Variants in NSG2 observed in about 807,000 individuals in gnomAD.
NSG2 encodes neuronal vesicle trafficking associated 2.
In NSG2, 4 loss-of-function variants were observed where a neutral mutation model predicts 16.9. The observed-to-expected ratio is 0.24, with a 90% CI of 0.12 to 0.54. NSG2 has a LOEUF of 0.54. Among genes scored for constraint, NSG2 ranks in the 20% least tolerant of loss-of-function variants. The pLI is 0.95. For missense variants in NSG2, 179 were observed against 221.1 expected, an observed-to-expected ratio of 0.81 and a Z score of 1.21; for synonymous variants, 98 against 88.7, an observed-to-expected ratio of 1.11 and a Z score of -0.59.
intron 4 of NSG2, among the ~76,000 whole-genome samples, chr5:174,106,801 G>T (rs1311157402): frequency 6.6e-6 from 1 of 151,902 alleles, no homozygotes; most frequent in Non-Finnish European, 1.5e-5. Context: ...CACTCTGTTG[G>T]TCAGGCTGGT....
At position 174,106,305 on chromosome 5, in the gene NSG2, G is replaced by A. The variant is rs964794817; in HGVS notation, c.325-1009G>A. Among the ~76,000 whole-genome samples the A allele has an allele frequency of 8.5e-5, 13 of 152,242 alleles. No homozygotes were observed. In the East Asian group the frequency reaches 9.6e-4, roughly 11 times the overall value. On this transcript the variant is annotated intron_variant, in intron 4 of 4. Coordinates refer to ENST00000303177, the MANE Select transcript of NSG2 (RefSeq NM_015980.5). ...ATACATGAGAAAAAACAAGAGGTTC[G>A]TTGTTTAAAGAACCTAGCTCTATAT...
chr5:174,102,438 A>C (rs929142294), intron 3 of NSG2, among the ~76,000 whole-genome samples: 13 of 152,208 alleles, frequency 8.5e-5, no homozygotes, highest in Non-Finnish European at 1.8e-4. Context: ...TTTCTAGGCC[A>C]ACTGACTGAA....
Position 174,046,355 on chromosome 5 carries a change from G to C in NSG2, c.-22-379G>C, listed in dbSNP as rs569346836. Among the ~76,000 whole-genome samples, 658 of 106,092 alleles carry C rather than the reference G, an allele frequency of 6.2e-3. 6 individuals are homozygous for C. The highest frequency in any genetic ancestry group is 0.032 in the African/African-American group (626 of 19,826). The allele number at this position is 106,092 out of a possible 152,430, so 69.6% of individuals were successfully genotyped here. ...AGGTGAAATTTATCATACTGCAGGCGGGGGGGGTGGTATAATAGGACTTCA... is the reference window on the plus strand; with the variant it reads ...AGGTGAAATTTATCATACTGCAGGCCGGGGGGGTGGTATAATAGGACTTCA... On this transcript the variant is annotated intron_variant, in intron 1 of 4. Coordinates refer to ENST00000303177, the MANE Select transcript of NSG2 (RefSeq NM_015980.5).
chr5:174,064,767 G>A (rs939965714), intron 3 of NSG2, among the ~76,000 whole-genome samples: 1 of 152,098 alleles, frequency 6.6e-6, no homozygotes, highest in Admixed American at 6.5e-5. Context: ...TTGGTGGAGG[G>A]GCCGCGAGGA....
intron 3 of NSG2, among the ~76,000 whole-genome samples, chr5:174,085,406 G>C (rs1045411066): frequency 6.6e-6 from 1 of 152,138 alleles, no homozygotes; most frequent in Admixed American, 6.5e-5. Context: ...ACCTCACACT[G>C]GTTCTCTTTC....
At chr5:174,084,718 C>T (rs557940399) in intron 3 of NSG2, among the ~76,000 whole-genome samples, 1 of 152,346 alleles carries the variant, frequency 6.6e-6, no homozygotes, top group Admixed American at 6.5e-5. Flanking sequence ...GGTTGTGAGG[C>T]CCCATTCATC....
chr5:174,054,055 G>C (rs1000507977), intron 2 of NSG2, among the ~76,000 whole-genome samples: 1 of 152,242 alleles, frequency 6.6e-6, no homozygotes, highest in South Asian at 2.1e-4. Context: ...GGTTAACTGA[G>C]CTCTGGCACA....
intron 3 of NSG2, among the ~76,000 whole-genome samples, chr5:174,077,495 G>A (rs972603989): frequency 3.3e-5 from 5 of 152,078 alleles, no homozygotes; most frequent in African/African-American, 4.8e-5. Flanking sequence ...TCGAATTCTC[G>A]ACACACTGGA....
chr5:174,070,564 G>T (rs1404986696), intron 3 of NSG2, among the ~76,000 whole-genome samples: 2 of 152,110 alleles, frequency 1.3e-5, no homozygotes, highest in Non-Finnish European at 2.9e-5. Flanking sequence ...TCTGGTCTGG[G>T]CTCAATGCCT....
At chr5:174,067,932 C>G (rs1760171654) in intron 3 of NSG2, among the ~76,000 whole-genome samples, 1 of 151,988 alleles carries the variant, frequency 6.6e-6, no homozygotes, top group African/African-American at 2.4e-5. Context: ...GTGTGAGGTG[C>G]CTGGAGACCA....
intron 2 of NSG2, among the ~76,000 whole-genome samples, chr5:174,060,341 C>G (rs190024073): frequency 2.0e-5 from 3 of 150,998 alleles, no homozygotes; most frequent in African/African-American, 7.3e-5. Flanking sequence ...AGAGAGGGAG[C>G]GAGAAAGACT....
intron 3 of NSG2, among the ~76,000 whole-genome samples, chr5:174,075,259 G>A (rs1460240467): frequency 1.3e-5 from 2 of 152,040 alleles, no homozygotes; most frequent in African/African-American, 4.8e-5. Flanking sequence ...AGCCACTCGG[G>A]GTCATACAGC....
chr5:174,046,553 T>TAAAAA, intron 1 of NSG2, 181 bp from the exon 2 acceptor site: 1 of 575,982 alleles, frequency 1.7e-6, no homozygotes. Context: ...TTTTGATGAT[T>TAAAAA]AAAGAAGTTT....
chr5:174,047,795 T>C (rs1410389279), intron 2 of NSG2, among the ~76,000 whole-genome samples: 1 of 152,180 alleles, frequency 6.6e-6, no homozygotes, highest in East Asian at 1.9e-4. Flanking sequence ...TCATTTCAGG[T>C]CCACCTGAGA....
chr5:174,086,236 G>A (rs781051836), intron 3 of NSG2, among the ~76,000 whole-genome samples: 2 of 152,064 alleles, frequency 1.3e-5, no homozygotes, highest in Non-Finnish European at 1.5e-5. Context: ...AACTGACCCC[G>A]GGCCAATCAC....
At chr5:174,053,504 G>A (rs979240471) in intron 2 of NSG2, among the ~76,000 whole-genome samples, 4 of 152,084 alleles carry the variant, frequency 2.6e-5, no homozygotes, top group African/African-American at 7.2e-5. Context: ...TGGGCTTTCC[G>A]CAGTGTTTCT....
At chr5:174,066,989 CAAAAA>C (rs543368373) in intron 3 of NSG2, among the ~76,000 whole-genome samples, 4 of 27,936 alleles carry the variant, frequency 1.4e-4, no homozygotes, top group Admixed American at 7.8e-4. Context: ...GACTCTGTCT[CAAAAA>C]AAAAAAAAAA....
At chr5:174,064,413 G>A in intron 3 of NSG2, 98 bp downstream of exon 3, 1 of 658,160 alleles carries the variant, frequency 1.5e-6, no homozygotes. Context: ...CTGTGGGTGG[G>A]GAAATGATGC....
chr5:174,068,743 A>G lies in NSG2; in HGVS notation c.213+4428A>G, dbSNP rs1399688209. Among the ~76,000 whole-genome samples, 6 of 103,418 alleles carry G rather than the reference A, an allele frequency of 5.8e-5. No individual in the cohort carries two copies. In the South Asian group the frequency reaches 1.2e-3, roughly 21 times the overall value. The allele number at this position is 103,418 out of a possible 152,430, so 67.8% of individuals were successfully genotyped here. A position where few individuals can be genotyped will look rare whatever the true frequency, so the allele number is the denominator to read the frequency against. On this transcript the variant is annotated intron_variant, in intron 3 of 4. Transcript: ENST00000303177. ...GTCATGGGAATCCTGGTGCTATGGA[A>G]GGTGCTGGTGCTGTGGAAGGTGCTG...
Sources: allele counts gnomAD v4.1 joint callset (sites outside exome capture counted in the v4.1 genomes callset), GRCh38; gene constraint gnomAD v4.1.1; transcripts MANE v1.5; gene names NCBI Gene and HGNC (gene_info 2026-07-23, HGNC 2026-07-21).